Variants in CDH13 observed in about 807,000 individuals in gnomAD.
The protein encoded by CDH13 is cadherin 13, also known as cadherin-13.
CDH13 carries 24 observed loss-of-function variants against 63.8 expected under a neutral mutation model. That is an observed-to-expected ratio of 0.38 (90% confidence interval 0.27 to 0.53). CDH13 has a LOEUF of 0.53. Ranked by LOEUF, CDH13 falls within the 20% of genes least tolerant of loss-of-function variation. The pLI, the probability that CDH13 is intolerant of heterozygous loss-of-function variation, is 0.85. For missense variants in CDH13, 1,049 were observed against 903.1 expected, an observed-to-expected ratio of 1.16 and a Z score of -2.07; for synonymous variants, 503 against 355.3, an observed-to-expected ratio of 1.42 and a Z score of -4.67.
intron 1 of CDH13, chr16:82,825,686 C>G (rs984032623): frequency 1.3e-5 from 2 of 151,752 alleles, no homozygotes; most frequent in African/African-American, 4.8e-5. Context: ...GCTGGGATTA[C>G]AAGCATGCAC....
chr16:83,627,739 GA>G (rs1429348945), intron 8 of CDH13, among the ~76,000 whole-genome samples: 1 of 152,128 alleles, frequency 6.6e-6, no homozygotes, highest in Non-Finnish European at 1.5e-5. Context: ...CAGACCCCAA[GA>G]GAGGGTTCTT....
At chr16:83,164,445 AGG>A (rs2037576515) in intron 4 of CDH13, among the ~76,000 whole-genome samples, 2 of 152,100 alleles carry the variant, frequency 1.3e-5, no homozygotes, top group Admixed American at 1.3e-4. Flanking sequence ...GTGTCTAAGC[AGG>A]TGATTTTGAT....
chr16:83,503,422 T>A (rs964237429), intron 7 of CDH13, among the ~76,000 whole-genome samples: 3 of 152,076 alleles, frequency 2.0e-5, no homozygotes, highest in Non-Finnish European at 4.4e-5. Flanking sequence ...GTGGAGCCCA[T>A]CTCAGGATGC....
At chr16:83,477,747 A>C (rs751349587) in intron 6 of CDH13, among the ~76,000 whole-genome samples, 1 of 152,202 alleles carries the variant, frequency 6.6e-6, no homozygotes, top group Non-Finnish European at 1.5e-5. Flanking sequence ...CTCTACCAAC[A>C]GACAAGGTCA....
chr16:83,614,448 C>G (rs1168521134), intron 8 of CDH13, among the ~76,000 whole-genome samples: 2 of 152,218 alleles, frequency 1.3e-5, no homozygotes, highest in African/African-American at 2.4e-5. Context: ...TTAGACAGCA[C>G]CTTCTGCTCA....
At chr16:83,497,656 A>T (rs1029148141) in intron 7 of CDH13, among the ~76,000 whole-genome samples, 2 of 138,982 alleles carry the variant, frequency 1.4e-5, no homozygotes, top group South Asian at 2.2e-4. Flanking sequence ...AAACTTTAAT[A>T]AAAAAAAAAG....
At chr16:83,428,674 T>C (rs966303659) in intron 6 of CDH13, among the ~76,000 whole-genome samples, 11 of 152,256 alleles carry the variant, frequency 7.2e-5, no homozygotes, top group African/African-American at 1.7e-4. Flanking sequence ...TAGAAATTAG[T>C]CCGTAAGACA....
chr16:83,038,765 A>G (rs895134207), intron 3 of CDH13, among the ~76,000 whole-genome samples: 1 of 152,218 alleles, frequency 6.6e-6, no homozygotes, highest in African/African-American at 2.4e-5. Flanking sequence ...TGCCATATAA[A>G]TGGGATTCAA....
At chr16:83,003,032 G>T (rs1337635007) in intron 2 of CDH13, among the ~76,000 whole-genome samples, 1 of 152,186 alleles carries the variant, frequency 6.6e-6, no homozygotes, top group East Asian at 1.9e-4. Context: ...ACTGAATACT[G>T]GTCCAGCATG....
intron 7 of CDH13, among the ~76,000 whole-genome samples, chr16:83,551,351 G>A (rs1487063677): frequency 7.2e-6 from 1 of 138,566 alleles, no homozygotes; most frequent in East Asian, 2.0e-4. Flanking sequence ...ACAGGCATGA[G>A]TCACCGCCCC....
rs191490139 is a variant in CDH13 at position 83,541,863 on chromosome 16, G to C, written c.960+55208G>C. 8.2e-3 allele frequency among the ~76,000 whole-genome samples: 1,245 copies of C among 152,330 alleles called. 6 individuals carry two copies. Among genetic ancestry groups the C allele is most frequent in the Non-Finnish European group, 0.011 (779 of 68,028 alleles). On this transcript the variant is annotated intron_variant, in intron 7 of 13. Coordinates refer to ENST00000567109, the MANE Select transcript of CDH13 (RefSeq NM_001257.5). ...ATGAGAATGTATAGAGCCCTAGACA[G>C]AGCTTGCATCATAGCTTTAGAATGC... is the stretch of plus-strand genomic sequence containing the variant.
At chr16:83,746,091 T>C (rs1044709412) in intron 10 of CDH13, among the ~76,000 whole-genome samples, 5 of 152,214 alleles carry the variant, frequency 3.3e-5, no homozygotes, top group African/African-American at 1.2e-4. Context: ...CCTACTATAA[T>C]AAATTAGTAA....
chr16:83,382,573 C>A (rs1249279995), intron 6 of CDH13, among the ~76,000 whole-genome samples: 1 of 152,112 alleles, frequency 6.6e-6, no homozygotes, highest in Non-Finnish European at 1.5e-5. Flanking sequence ...AACCACCATG[C>A]AAACCCACAA....
intron 3 of CDH13, among the ~76,000 whole-genome samples, chr16:83,069,928 T>C (rs1227130571): frequency 3.9e-5 from 6 of 152,202 alleles, no homozygotes. Flanking sequence ...CGGCAATCAG[T>C]GTAGTTGATG....
chr16:83,367,007 T>C (rs1031957617), intron 6 of CDH13, among the ~76,000 whole-genome samples: 7 of 152,166 alleles, frequency 4.6e-5, no homozygotes, highest in Non-Finnish European at 8.8e-5. Flanking sequence ...CCATTTAAAG[T>C]ATATAATTCA....
At chr16:82,805,958 G>C (rs767388590) in intron 1 of CDH13, among the ~76,000 whole-genome samples, 8 of 152,184 alleles carry the variant, frequency 5.3e-5, no homozygotes, top group Admixed American at 1.3e-4. Flanking sequence ...CTTTAGCAAA[G>C]TCCATTCATT....
chr16:83,602,393 T>C (rs1220775558), intron 7 of CDH13, 61 bp from the exon 8 acceptor site: 1 of 1,585,774 alleles, frequency 6.3e-7, no homozygotes, highest in African/African-American at 1.3e-5. Flanking sequence ...GCCTGCCACC[T>C]TTCCAAAGCA....
At chr16:83,043,016 A>C (rs1477149904) in intron 3 of CDH13, among the ~76,000 whole-genome samples, 1 of 152,214 alleles carries the variant, frequency 6.6e-6, no homozygotes, top group East Asian at 1.9e-4. Context: ...TATCCATTTA[A>C]CTGTCACCTA....
chr16:83,289,135 G>C (rs2089402634), intron 5 of CDH13, among the ~76,000 whole-genome samples: 1 of 152,158 alleles, frequency 6.6e-6, no homozygotes, highest in Non-Finnish European at 1.5e-5. Flanking sequence ...AACCAAAAAA[G>C]ACACATTTCT....
Sources: gnomAD v4.1 joint callset for allele counts (sites outside exome capture counted in the v4.1 genomes callset) on GRCh38, gnomAD v4.1.1 for gene constraint, MANE v1.5 for transcripts, NCBI Gene and HGNC (gene_info 2026-07-23, HGNC 2026-07-21) for gene names.